Variants in CYB5A observed in about 807,000 individuals in gnomAD.
The protein encoded by CYB5A is cytochrome b5.
A neutral mutation model predicts 16.2 loss-of-function variants in CYB5A; 10 were observed. The ratio of observed to expected loss-of-function variants is 0.62; its 90% CI spans 0.38 to 1.04. The LOEUF (loss-of-function observed/expected upper bound fraction) is 1.04, where lower values mean the gene tolerates loss of function less well. Ranked by LOEUF, CYB5A falls within the 50% of genes least tolerant of loss-of-function variation. The probability of loss-of-function intolerance (pLI) is 0.01; values close to 1 mark genes in which losing one functional copy is unlikely to be tolerated. For synonymous variants in CYB5A, 62 were observed against 57.0 expected (o/e 1.09, Z -0.40); for missense variants, 161 against 165.9 (o/e 0.97, Z 0.16).
rs530175261 is a variant in CYB5A at position 74,275,510 on chromosome 18, C to G, written c.130-12033G>C. On this transcript the variant is annotated intron_variant, in intron 1 of 4. Coordinates refer to ENST00000340533, the MANE Select transcript of CYB5A (RefSeq NM_148923.4). ...ACAGCTCTGGTGGCAAAGATCACTT[C>G]TTTAGGGCAAATAAACTCCTGTCCC... 2.0e-5 allele frequency among the ~76,000 whole-genome samples: 3 copies of G among 152,340 alleles called. No homozygotes were observed. In the East Asian group the frequency reaches 5.8e-4, roughly 29 times the overall value.
intron 1 of CYB5A, among the ~76,000 whole-genome samples, chr18:74,279,525 G>A (rs372411499): frequency 6.6e-5 from 10 of 151,986 alleles, no homozygotes; most frequent in East Asian, 1.9e-4. Context: ...GTGAGACTCC[G>A]TCTCAAAAAT....
intron 1 of CYB5A, among the ~76,000 whole-genome samples, chr18:74,282,444 C>T (rs534978348): frequency 1.3e-5 from 2 of 152,290 alleles, no homozygotes; most frequent in Admixed American, 6.5e-5. Flanking sequence ...AGAGCAGGGG[C>T]TCGTATCTGT....
chr18:74,284,453 CTTAA>C (rs1416322454), intron 1 of CYB5A, among the ~76,000 whole-genome samples: 1 of 152,068 alleles, frequency 6.6e-6, no homozygotes, highest in Non-Finnish European at 1.5e-5. Flanking sequence ...ATGGCATTTA[CTTAA>C]TTAACACTTT....
chr18:74,263,417 C>T lies in CYB5A; in HGVS notation c.190G>A (p.Glu64Lys). ...GCATCTGTAGAGTGCCCGACATCCTCAAAGTTCTCAGTAGCGTCACCTCCA... is the reference window on the plus strand; with the variant it reads ...GCATCTGTAGAGTGCCCGACATCCTTAAAGTTCTCAGTAGCGTCACCTCCA... ...QAGGDATENF[E>K]DVGHSTDARE... Residue 64 changes from glutamate to lysine, a missense_variant, in exon 2 of 5, where the codon GAG becomes AAG. Transcript: ENST00000340533. 1.2e-6 allele frequency: 2 copies of T among 1,614,146 alleles called. No homozygotes were observed. The highest frequency in any genetic ancestry group is 1.7e-6 in the Non-Finnish European group (2 of 1,180,028).
intron 1 of CYB5A, among the ~76,000 whole-genome samples, chr18:74,290,054 C>A (rs1983475050): frequency 6.6e-6 from 1 of 152,118 alleles, no homozygotes; most frequent in Admixed American, 6.5e-5. Context: ...TCTTAAAATT[C>A]CACATTTAGA....
chr18:74,251,175 CA>C lies in CYB5A; in HGVS notation c.*2408del, dbSNP rs796525677. On this transcript the variant is annotated 3_prime_UTR_variant, in exon 5 of 5. Coordinates refer to ENST00000340533, the MANE Select transcript of CYB5A (RefSeq NM_148923.4). Reference sequence around the variant, plus strand: ...ACAGAGTGAGACTCTGTCTCAAAAACAAAAAAAAAAAAAAAAGAAAGTTTAC... The same window carrying C: ...ACAGAGTGAGACTCTGTCTCAAAAACAAAAAAAAAAAAAAAGAAAGTTTAC... 359 of 79,938 alleles carry C rather than the reference CA, an allele frequency of 4.5e-3. No individual in the cohort carries two copies. The highest frequency in any genetic ancestry group is 0.016 in the Middle Eastern group (2 of 124). The allele number at this position is 79,938 out of a possible 1,614,324, so 5.0% of individuals were successfully genotyped here. A position where few individuals can be genotyped will look rare whatever the true frequency, so the allele number is the denominator to read the frequency against.
At chr18:74,259,980 C>T (rs1382479917) in intron 3 of CYB5A, 1 of 152,128 alleles carries the variant, frequency 6.6e-6, no homozygotes, top group Non-Finnish European at 1.5e-5. Context: ...TAGTATTACA[C>T]AAGACTTTTA....
chr18:74,253,699 G>C, intron 4 of CYB5A, 34 bp from the exon 5 acceptor site: 8 of 1,424,526 alleles, frequency 5.6e-6, no homozygotes, highest in East Asian at 2.3e-5. Flanking sequence ...ATGCTGACAT[G>C]ATGTGCACTG....
At chr18:74,286,910 G>T (rs1209467822) in intron 1 of CYB5A, among the ~76,000 whole-genome samples, 1 of 152,130 alleles carries the variant, frequency 6.6e-6, no homozygotes, top group African/African-American at 2.4e-5. Context: ...AAGTTAATTT[G>T]CTGTTTCTTT....
At chr18:74,258,950 C>T (rs1453828589) in intron 3 of CYB5A, 1 of 152,204 alleles carries the variant, frequency 6.6e-6, no homozygotes, top group African/African-American at 2.4e-5. Flanking sequence ...CAAGACAAGC[C>T]TGGCCAACAA....
chr18:74,263,098 T>C lies in CYB5A; in HGVS notation c.258+251A>G, dbSNP rs556397117. Among the ~76,000 whole-genome samples, 11 of 146,258 alleles carry C rather than the reference T, an allele frequency of 7.5e-5. No homozygotes were observed. The East Asian group carries it at 2.2e-3, about 29-fold the overall frequency. On this transcript the variant is annotated intron_variant, in intron 2 of 4. Coordinates refer to ENST00000340533, the MANE Select transcript of CYB5A (RefSeq NM_148923.4). ...AGGAGGTTGAGGCTGCAGGGAGCCA[T>C]GATCGTGCCACTGCACTCCAGCCTG...
rs1555688659 is a variant in CYB5A, at chr18:74,263,476, T to A, written c.131A>T (p.His44Leu). The A allele has an allele frequency of 1.2e-6, 2 of 1,614,132 alleles. No individual in the cohort carries two copies. The highest frequency in any genetic ancestry group is 2.2e-5 in the South Asian group (2 of 91,090). The stretch of plus-strand genomic sequence containing the variant: ...CCTTAAAACTTCTTCCCCACCAGGA[T>A]GCTGTTCAAAGGAGAGGTAGAATAA... ...VYDLTKFLEE[H>L]PGGEEVLREQ... Residue 44 changes from histidine (H) to leucine (L), a missense_variant and splice_region_variant, in exon 2 of 5, where the codon CAT becomes CTT. His to Leu is a moderately conservative substitution (Grantham distance 99). Coordinates refer to ENST00000340533, the MANE Select transcript of CYB5A (RefSeq NM_148923.4).
chr18:74,291,610 C>A, intron 1 of CYB5A, 137 bp downstream of exon 1: 1 of 1,331,302 alleles, frequency 7.5e-7, no homozygotes, highest in Non-Finnish European at 1.0e-6. Flanking sequence ...CAGGCGTACA[C>A]GCGCAGGTGA....
chr18:74,284,895 C>A (rs959590420), intron 1 of CYB5A, among the ~76,000 whole-genome samples: 4 of 152,192 alleles, frequency 2.6e-5, no homozygotes, highest in African/African-American at 9.7e-5. Flanking sequence ...TCTAAGCCAA[C>A]AGGCAGCACA....
rs1362236648 is a variant in CYB5A, at chr18:74,251,543, C to T, written c.*2041G>A. The T allele has an allele frequency of 6.6e-6, 1 of 152,118 alleles. No individual in the cohort carries two copies. Among genetic ancestry groups the T allele is most frequent in the Non-Finnish European group, 1.5e-5 (1 of 68,038 alleles). The allele number at this position is 152,118 out of a possible 1,614,324, so 9.4% of individuals were successfully genotyped here. A position where few individuals can be genotyped will look rare whatever the true frequency, so the allele number is the denominator to read the frequency against. The stretch of plus-strand genomic sequence containing the variant: ...CTGAGTAGAATGGGAGGCAGGTTGG[C>T]CCTAAGCAGTTTCCAGCTTGAGTTT... On this transcript the variant is annotated 3_prime_UTR_variant, in exon 5 of 5. Coordinates refer to ENST00000340533, the MANE Select transcript of CYB5A (RefSeq NM_148923.4).
In CYB5A at chr18:74,266,919, T is replaced by A. The variant is rs1478021872; in HGVS notation, c.130-3442A>T. 7.9e-5 allele frequency among the ~76,000 whole-genome samples: 12 copies of A among 152,002 alleles called. No homozygotes were observed. The East Asian group carries it at 2.3e-3, about 29-fold the overall frequency. ...CCATCCTAAAGGTCTATCTTAATAATTGGTAGGAAAATCAAATCCTAAAAA... is the reference window on the plus strand; with the variant it reads ...CCATCCTAAAGGTCTATCTTAATAAATGGTAGGAAAATCAAATCCTAAAAA... On this transcript the variant is annotated intron_variant, in intron 1 of 4. Transcript: ENST00000340533.
intron 1 of CYB5A, among the ~76,000 whole-genome samples, chr18:74,285,733 T>C (rs1358778003): frequency 1.3e-5 from 2 of 151,326 alleles, no homozygotes; most frequent in African/African-American, 4.9e-5. Context: ...TGGTGGCTCA[T>C]GCCTGTGGTC....
At position 74,255,567 on chromosome 18, in the gene CYB5A, G is replaced by C. The variant is rs1029280161; in HGVS notation, c.323+174C>G. Reference sequence around the variant, plus strand: ...GTGGCTGTGGACAGTGTTCACAGTCGGCTACCTGAAAGTTTGAGGCTGAGT... The same window carrying C: ...GTGGCTGTGGACAGTGTTCACAGTCCGCTACCTGAAAGTTTGAGGCTGAGT... On this transcript the variant is annotated intron_variant, in intron 4 of 4. Transcript: ENST00000340533. Among the ~76,000 whole-genome samples the C allele has an allele frequency of 6.6e-5, 10 of 152,272 alleles. No individual in the cohort carries two copies. The East Asian group carries it at 1.9e-3, about 29-fold the overall frequency.
rs1446438504 is a variant in CYB5A at position 74,265,502 on chromosome 18, T to C, written c.130-2025A>G. 3.3e-5 allele frequency among the ~76,000 whole-genome samples: 5 copies of C among 152,246 alleles called. No homozygotes were observed. In the South Asian group the frequency reaches 8.3e-4, roughly 25 times the overall value. Reference sequence around the variant, plus strand: ...TTTGAGGATGAAATCTATGAACATATGTGTCTGGCACATCGTTTATGCTCA... The same window carrying C: ...TTTGAGGATGAAATCTATGAACATACGTGTCTGGCACATCGTTTATGCTCA... On this transcript the variant is annotated intron_variant, in intron 1 of 4. Coordinates refer to ENST00000340533, the MANE Select transcript of CYB5A (RefSeq NM_148923.4).
Sources: gnomAD v4.1 joint callset for allele counts (sites outside exome capture counted in the v4.1 genomes callset) on GRCh38, gnomAD v4.1.1 for gene constraint, MANE v1.5 for transcripts, NCBI Gene and HGNC (gene_info 2026-07-23, HGNC 2026-07-21) for gene names.